Variants in CDK14 observed in about 807,000 individuals in gnomAD.
CDK14 encodes the protein cyclin-dependent kinase 14.
A neutral mutation model predicts 60.7 loss-of-function variants in CDK14; 34 were observed. That is an observed-to-expected ratio of 0.56 (90% CI 0.43 to 0.75). The LOEUF is 0.75. Among genes scored for constraint, CDK14 ranks in the 30% least tolerant of loss-of-function variants. CDK14 has a pLI of 0.00. For synonymous variants in CDK14, 197 were observed against 203.7 expected (o/e 0.97, Z 0.28); for missense variants, 482 against 564.1 (o/e 0.85, Z 1.47).
intron 13 of CDK14, among the ~76,000 whole-genome samples, chr7:91,113,214 G>A (rs970990590): frequency 1.3e-5 from 2 of 152,220 alleles, no homozygotes; most frequent in African/African-American, 2.4e-5. Context: ...GCTATGCAGC[G>A]AGCTGAGGAG....
intron 5 of CDK14, among the ~76,000 whole-genome samples, chr7:90,813,854 G>A (rs11771475): frequency 0.21 from 31,202 of 152,104 alleles, 3,339 homozygotes; most frequent in South Asian, 0.24. Context: ...AGAACTCTGT[G>A]TAGTTACTAA....
chr7:90,695,717 G>C (rs550695252), intron 2 of CDK14, among the ~76,000 whole-genome samples: 2 of 152,272 alleles, frequency 1.3e-5, no homozygotes, highest in African/African-American at 4.8e-5. Context: ...AAAGAAGGGA[G>C]GGAGCAAACC....
intron 10 of CDK14, among the ~76,000 whole-genome samples, chr7:91,014,165 C>A (rs2115833779): frequency 6.6e-6 from 1 of 152,080 alleles, no homozygotes; most frequent in East Asian, 1.9e-4. Context: ...ATTAGAAAAA[C>A]CAAAGTTTTA....
At chr7:90,686,187 T>C (rs1319120098) in intron 2 of CDK14, among the ~76,000 whole-genome samples, 1 of 152,184 alleles carries the variant, frequency 6.6e-6, no homozygotes, top group Non-Finnish European at 1.5e-5. Context: ...ATTCTTATTA[T>C]GATGATTTTT....
At chr7:90,654,912 T>C (rs1030023102) in intron 2 of CDK14, among the ~76,000 whole-genome samples, 21 of 152,200 alleles carry the variant, frequency 1.4e-4, no homozygotes, top group Admixed American at 9.2e-4. Context: ...GAATGACATG[T>C]ATTTACCATT....
intron 5 of CDK14, 147 bp downstream of exon 5, chr7:90,790,799 G>A (rs1378426322): frequency 3.7e-6 from 2 of 536,060 alleles, no homozygotes; most frequent in Non-Finnish European, 3.4e-6. Flanking sequence ...TTAAAAATCA[G>A]TATCTCTTGC....
At position 90,641,271 on chromosome 7, in the gene CDK14, C is replaced by T. The variant is rs17865925; in HGVS notation, c.123+37022C>T. The stretch of plus-strand genomic sequence containing the variant: ...TATGACATGATCCAGTAATTCCACT[C>T]CAAAGTATATACCCGAGAGAAATGA... On this transcript the variant is annotated intron_variant, in intron 2 of 14. Coordinates refer to ENST00000380050, the MANE Select transcript of CDK14 (RefSeq NM_001287135.2). 6.7e-3 allele frequency among the ~76,000 whole-genome samples: 1,023 copies of T among 152,050 alleles called. 15 individuals are homozygous for T. Among genetic ancestry groups the T allele is most frequent in the African/African-American group, 0.024 (981 of 41,480 alleles).
intron 10 of CDK14, among the ~76,000 whole-genome samples, chr7:90,999,940 C>A (rs1430593647): frequency 2.0e-5 from 3 of 152,112 alleles, no homozygotes; most frequent in Non-Finnish European, 4.4e-5. Context: ...TTTAGCATTT[C>A]TTTAATACCA....
chr7:90,821,763 T>G (rs1457994552), intron 5 of CDK14, among the ~76,000 whole-genome samples: 1 of 152,192 alleles, frequency 6.6e-6, no homozygotes, highest in Non-Finnish European at 1.5e-5. Context: ...ACTATTAGAC[T>G]TCCGGGGTCC....
chr7:90,853,976 A>T (rs1790738440), intron 5 of CDK14, among the ~76,000 whole-genome samples: 1 of 152,168 alleles, frequency 6.6e-6, no homozygotes, highest in African/African-American at 2.4e-5. Flanking sequence ...TTGCTTAAGA[A>T]TATGCTGCAG....
chr7:90,663,388 G>A (rs1800903728), intron 2 of CDK14, among the ~76,000 whole-genome samples: 1 of 152,140 alleles, frequency 6.6e-6, no homozygotes, highest in Admixed American at 6.6e-5. Context: ...GATGTTAATG[G>A]ATGAGTCTTA....
chr7:90,950,320 C>A (rs977628473), intron 8 of CDK14, among the ~76,000 whole-genome samples: 14 of 152,118 alleles, frequency 9.2e-5, no homozygotes, highest in African/African-American at 3.4e-4. Context: ...GACCCACCTG[C>A]CTTGGCTTCC....
chr7:90,788,237 C>T (rs1468479991), intron 4 of CDK14, among the ~76,000 whole-genome samples: 1 of 152,140 alleles, frequency 6.6e-6, no homozygotes, highest in African/African-American at 2.4e-5. Flanking sequence ...GTTACTGCCT[C>T]CTCAGGGAGC....
intron 2 of CDK14, among the ~76,000 whole-genome samples, chr7:90,621,925 G>A (rs1404646482): frequency 3.9e-5 from 6 of 152,178 alleles, no homozygotes; most frequent in Admixed American, 3.9e-4. Flanking sequence ...CGGCCCTCAC[G>A]CCAGTTTAAG....
intron 6 of CDK14, among the ~76,000 whole-genome samples, chr7:90,895,333 C>T (rs1486872428): frequency 1.7e-5 from 1 of 59,728 alleles, no homozygotes; most frequent in Non-Finnish European, 3.6e-5. Context: ...CTCCTTTCCT[C>T]TCCTCTCCTC....
At chr7:90,716,900 A>G (rs546307115) in intron 2 of CDK14, among the ~76,000 whole-genome samples, 1 of 151,984 alleles carries the variant, frequency 6.6e-6, no homozygotes, top group Non-Finnish European at 1.5e-5. Context: ...GGTGCACACA[A>G]ATCACCCAGG....
intron 10 of CDK14, among the ~76,000 whole-genome samples, chr7:91,002,450 T>G (rs1795867114): frequency 6.6e-6 from 1 of 152,216 alleles, no homozygotes; most frequent in South Asian, 2.1e-4. Context: ...TCTTAGCTGT[T>G]TAATTATTTT....
intron 10 of CDK14, among the ~76,000 whole-genome samples, chr7:91,020,195 T>G (rs543890915): frequency 2.0e-5 from 3 of 152,150 alleles, no homozygotes; most frequent in Non-Finnish European, 4.4e-5. Context: ...CAAACCTCCA[T>G]GGAGGGATTG....
At chr7:90,827,302 A>G (rs1359796215) in intron 5 of CDK14, among the ~76,000 whole-genome samples, 3 of 152,172 alleles carry the variant, frequency 2.0e-5, no homozygotes, top group South Asian at 2.1e-4. Flanking sequence ...TTTGTCATGG[A>G]ATAATATTCT....
Sources: gnomAD v4.1 joint callset for allele counts (sites outside exome capture counted in the v4.1 genomes callset) on GRCh38, gnomAD v4.1.1 for gene constraint, MANE v1.5 for transcripts, NCBI Gene and HGNC (gene_info 2026-07-23, HGNC 2026-07-21) for gene names.